RIPOR3: variants seen among roughly 807,000 people sequenced by gnomAD.
The protein encoded by RIPOR3 is RIPOR family member 3, also known as family with sequence similarity 65 member C.
A neutral mutation model predicts 114.3 loss-of-function variants in RIPOR3; 95 were observed. That is an observed-to-expected ratio of 0.83 (90% confidence interval 0.70 to 0.99). The LOEUF is 0.99. Ranked by LOEUF, RIPOR3 falls within the 50% of genes least tolerant of loss-of-function variation. The pLI is 0.00. For synonymous variants in RIPOR3, 575 were observed against 543.8 expected (o/e 1.06, Z -0.80); for missense variants, 1,252 against 1,266.9 (o/e 0.99, Z 0.18).
chr20:50,680,100 A>C (rs530623895), intron 1 of RIPOR3, among the ~76,000 whole-genome samples: 2 of 152,138 alleles, frequency 1.3e-5, no homozygotes, highest in African/African-American at 2.4e-5. Flanking sequence ...GAAGGAAGAG[A>C]AGCATGCAGA....
At chr20:50,666,198 T>TTCTTTCC (rs1555873341) in intron 1 of RIPOR3, among the ~76,000 whole-genome samples, 1 of 96,720 alleles carries the variant, frequency 1.0e-5, no homozygotes, top group African/African-American at 5.4e-5. Flanking sequence ...TTTTCTTTTC[T>TTCTTTCC]TTTCTTTTCT....
At position 50,597,564 on chromosome 20, in the gene RIPOR3, A is replaced by G. The variant is rs1350411947; in HGVS notation, c.1790+16T>C. Reference sequence around the variant, plus strand: ...GTGGTGGCCACTGGGTCACTGCTGGAAGGAGGTGCACTCACCGGAGACCCT... The same window carrying G: ...GTGGTGGCCACTGGGTCACTGCTGGGAGGAGGTGCACTCACCGGAGACCCT... On this transcript the variant is annotated intron_variant, in intron 14 of 21. Coordinates refer to ENST00000327979, the MANE Select transcript of RIPOR3 (RefSeq NM_001290268.2). 1 of 1,596,384 alleles carries G rather than the reference A, an allele frequency of 6.3e-7. No homozygotes were observed. The highest frequency in any genetic ancestry group is 2.3e-5 in the East Asian group (1 of 43,880).
intron 1 of RIPOR3, among the ~76,000 whole-genome samples, chr20:50,665,930 C>G (rs1169223516): frequency 2.6e-5 from 4 of 151,968 alleles, no homozygotes; most frequent in African/African-American, 9.7e-5. Flanking sequence ...AAAGCCAAAC[C>G]GAATCCCAGA....
In RIPOR3 at chr20:50,608,861, C is replaced by T. The variant is rs1315461442; in HGVS notation, c.684+51G>A. On this transcript the variant is annotated intron_variant, in intron 9 of 21. Coordinates refer to ENST00000327979, the MANE Select transcript of RIPOR3 (RefSeq NM_001290268.2). ...CCTGGTTCCCAGCAGCTCCCGTCCC[C>T]CAAAGACCTGGCGGGGAGCCCTGAG... 3.1e-6 allele frequency: 5 copies of T among 1,605,966 alleles called. No individual in the cohort carries two copies. The African/African-American group carries it at 4.0e-5, about 13-fold the overall frequency.
chr20:50,595,806 C>T (rs552012565), intron 15 of RIPOR3, among the ~76,000 whole-genome samples: 10 of 152,338 alleles, frequency 6.6e-5, no homozygotes, highest in Middle Eastern at 3.4e-3. Flanking sequence ...GTGCATCCAG[C>T]CGAGCCTGAA....
intron 1 of RIPOR3, among the ~76,000 whole-genome samples, chr20:50,676,489 T>C (rs188292763): frequency 4.2e-4 from 64 of 152,120 alleles, no homozygotes; most frequent in African/African-American, 1.2e-3. Flanking sequence ...CCGTCTCTAC[T>C]AAAAATACAA....
intron 1 of RIPOR3, among the ~76,000 whole-genome samples, chr20:50,648,501 T>G (rs1287371106): frequency 6.6e-6 from 1 of 151,844 alleles, no homozygotes; most frequent in African/African-American, 2.4e-5. Flanking sequence ...TGGAAGACAA[T>G]TTTTCCACTG....
In RIPOR3 at chr20:50,630,822, G is replaced by C. The variant is rs199522147; in HGVS notation, c.38C>G (p.Ser13Cys). 1.9e-5 allele frequency: 30 copies of C among 1,609,388 alleles called. No homozygotes were observed. In the East Asian group the frequency reaches 6.5e-4, roughly 35 times the overall value. Residue 13 changes from serine to cysteine, a missense_variant, in exon 2 of 22, where the codon TCC becomes TGC. By Grantham distance (112) the Ser-to-Cys change is moderately radical. Coordinates refer to ENST00000327979, the MANE Select transcript of RIPOR3 (RefSeq NM_001290268.2). ...CCCCACGGCCCCTGTGTCCCCAGGGGACAGGAACCGCAACCTCACCGACAT... is the reference window on the plus strand; with the variant it reads ...CCCCACGGCCCCTGTGTCCCCAGGGCACAGGAACCGCAACCTCACCGACAT... ...TTMSVRLRFL[S>C]PGDTGAVGVV...
intron 1 of RIPOR3, among the ~76,000 whole-genome samples, chr20:50,642,266 G>A (rs1007347299): frequency 1.1e-4 from 16 of 151,252 alleles, no homozygotes; most frequent in Non-Finnish European, 1.8e-4. Context: ...TGCTGGGAGC[G>A]GCTGATAAAT....
Position 50,594,360 on chromosome 20 carries a change from G to GT in RIPOR3, c.2212+192dup, listed in dbSNP as rs143399967. ...CCACAGACTGCTCAGAAGGCCCCAC[G>GT]TGGAGGCCCCTTCTCGCCCGGTGAA... On this transcript the variant is annotated intron_variant, in intron 17 of 21. Coordinates refer to ENST00000327979, the MANE Select transcript of RIPOR3 (RefSeq NM_001290268.2). Among the ~76,000 whole-genome samples the GT allele has an allele frequency of 3.9e-3, 594 of 151,900 alleles. 12 individuals carry two copies. The South Asian group carries it at 0.051, about 13-fold the overall frequency.
intron 2 of RIPOR3, among the ~76,000 whole-genome samples, chr20:50,621,332 C>G (rs1057474813): frequency 6.6e-6 from 1 of 152,222 alleles, no homozygotes; most frequent in African/African-American, 2.4e-5. Context: ...TCCCCTCCCT[C>G]TAGTAGTAGC....
At chr20:50,589,160 T>C (rs2083029174) in intron 20 of RIPOR3, among the ~76,000 whole-genome samples, 1 of 151,428 alleles carries the variant, frequency 6.6e-6, no homozygotes, top group Admixed American at 6.6e-5. Context: ...TTTTGTTGAC[T>C]GTTTTTAAAC....
At chr20:50,628,404 C>A (rs944577321) in intron 2 of RIPOR3, among the ~76,000 whole-genome samples, 2 of 152,170 alleles carry the variant, frequency 1.3e-5, no homozygotes. Context: ...TGCTGTCACG[C>A]ATGCCAGCCG....
intron 1 of RIPOR3, among the ~76,000 whole-genome samples, chr20:50,676,195 C>T (rs1397262552): frequency 6.6e-6 from 1 of 152,206 alleles, no homozygotes; most frequent in African/African-American, 2.4e-5. Flanking sequence ...TACTGTGTCT[C>T]ACCCCGACGG....
At chr20:50,621,376 CT>C (rs1214608701) in intron 2 of RIPOR3, among the ~76,000 whole-genome samples, 4 of 152,206 alleles carry the variant, frequency 2.6e-5, no homozygotes, top group African/African-American at 9.7e-5. Context: ...CTCCCCAGCT[CT>C]GCTTTTTATA....
At chr20:50,679,929 C>G (rs1399253577) in intron 1 of RIPOR3, among the ~76,000 whole-genome samples, 2 of 152,142 alleles carry the variant, frequency 1.3e-5, no homozygotes, top group African/African-American at 4.8e-5. Context: ...TGCGCTCCAG[C>G]CTGGCAACCA....
chr20:50,598,026 G>A (rs912795664), intron 13 of RIPOR3, among the ~76,000 whole-genome samples: 7 of 152,226 alleles, frequency 4.6e-5, no homozygotes, highest in East Asian at 1.9e-4. Flanking sequence ...CTGCCCCAGC[G>A]GGGACCAGGG....
At chr20:50,681,598 G>A (rs193060108) in intron 1 of RIPOR3, among the ~76,000 whole-genome samples, 9 of 152,290 alleles carry the variant, frequency 5.9e-5, no homozygotes, top group Admixed American at 2.6e-4. Flanking sequence ...GCTTCTAAGG[G>A]CACCTCCATT....
In RIPOR3 at chr20:50,589,975, C is replaced by G; in HGVS notation, c.2578-206G>C. 3 of 513,918 alleles carry G rather than the reference C, an allele frequency of 5.8e-6. No individual in the cohort carries two copies. In the Admixed American group the frequency reaches 9.4e-5, roughly 16 times the overall value. 31.8% of individuals were successfully genotyped at this position (513,918 alleles called of 1,614,324 possible). On this transcript the variant is annotated intron_variant, in intron 19 of 21. Coordinates refer to ENST00000327979, the MANE Select transcript of RIPOR3 (RefSeq NM_001290268.2). Reference sequence around the variant, plus strand: ...GTGGTGTTTAATTTATCCCTAAAAACAGATGCCAGGGCTAATACAATGAAG... The same window carrying G: ...GTGGTGTTTAATTTATCCCTAAAAAGAGATGCCAGGGCTAATACAATGAAG...
Sources: gnomAD v4.1 joint callset for allele counts (sites outside exome capture counted in the v4.1 genomes callset) on GRCh38, gnomAD v4.1.1 for gene constraint, MANE v1.5 for transcripts, NCBI Gene and HGNC (gene_info 2026-07-23, HGNC 2026-07-21) for gene names.